ATRN: variants seen among roughly 807,000 people sequenced by gnomAD.
ATRN encodes the protein attractin, also known as attractin-2.
In ATRN, 54 loss-of-function variants were observed where a neutral mutation model predicts 178.7. That is an observed-to-expected ratio of 0.30 (90% confidence interval 0.24 to 0.38). The LOEUF (loss-of-function observed/expected upper bound fraction) is 0.38, where lower values mean the gene tolerates loss of function less well. ATRN is among the 10% of genes least tolerant of loss of function. The pLI is 1.00. For synonymous variants in ATRN, 636 were observed against 663.0 expected (o/e 0.96, Z 0.63); for missense variants, 1,443 against 1,815.1 (o/e 0.79, Z 3.73).
chr20:3,604,991 C>T (rs77675036), intron 24 of ATRN, among the ~76,000 whole-genome samples: 2,138 of 152,220 alleles, frequency 0.014, 27 homozygotes, highest in Middle Eastern at 0.041. Flanking sequence ...TGCTTCTTAC[C>T]TTCTTCATTT....
intron 3 of ATRN, among the ~76,000 whole-genome samples, chr20:3,540,865 G>C (rs551291498): frequency 6.6e-6 from 1 of 151,938 alleles, no homozygotes; most frequent in African/African-American, 2.4e-5. Context: ...GGAGAAATGA[G>C]GAACATACTT....
chr20:3,621,900 G>A (rs1324959122), intron 24 of ATRN, among the ~76,000 whole-genome samples: 1 of 152,058 alleles, frequency 6.6e-6, no homozygotes, highest in Non-Finnish European at 1.5e-5. Flanking sequence ...CTGTGAGACA[G>A]ATCATTATTT....
At chr20:3,497,721 T>TG (rs1044645063) in intron 1 of ATRN, among the ~76,000 whole-genome samples, 2 of 152,168 alleles carry the variant, frequency 1.3e-5, no homozygotes, top group African/African-American at 4.8e-5. Flanking sequence ...CTTGCTAGAT[T>TG]GGGGAAGTTC....
intron 1 of ATRN, among the ~76,000 whole-genome samples, chr20:3,488,081 T>C (rs1444233424): frequency 6.8e-6 from 1 of 147,428 alleles, no homozygotes; most frequent in African/African-American, 2.4e-5. Context: ...TGGAGTTGGC[T>C]AACATGTTCC....
intron 1 of ATRN, among the ~76,000 whole-genome samples, chr20:3,476,354 T>G (rs1042230558): frequency 2.0e-5 from 3 of 152,208 alleles, no homozygotes; most frequent in African/African-American, 7.2e-5. Context: ...TTCTTTTTAT[T>G]ATACCATTTG....
chr20:3,498,673 G>A (rs1049206395), intron 1 of ATRN, among the ~76,000 whole-genome samples: 8 of 152,164 alleles, frequency 5.3e-5, no homozygotes, highest in Non-Finnish European at 1.2e-4. Flanking sequence ...GGTATTGATG[G>A]GACGTATTTC....
At chr20:3,589,809 G>T (rs112200616) in intron 18 of ATRN, among the ~76,000 whole-genome samples, 17 of 152,334 alleles carry the variant, frequency 1.1e-4, no homozygotes, top group African/African-American at 4.1e-4. Context: ...CTCATTGGAA[G>T]AAGGAAGGAG....
chr20:3,524,018 A>G (rs1399233985), intron 1 of ATRN, among the ~76,000 whole-genome samples: 1 of 152,230 alleles, frequency 6.6e-6, no homozygotes, highest in East Asian at 1.9e-4. Flanking sequence ...CTAATGGGCA[A>G]AATAACCAGC....
At chr20:3,536,118 C>T (rs550415835) in intron 2 of ATRN, among the ~76,000 whole-genome samples, 1 of 152,238 alleles carries the variant, frequency 6.6e-6, no homozygotes, top group African/African-American at 2.4e-5. Flanking sequence ...TCATGGGAGA[C>T]TTTTAAAGCA....
Position 3,591,162 on chromosome 20 carries a change from C to T in ATRN, c.3185-7C>T, listed in dbSNP as rs778627563. On this transcript the variant is annotated splice_region_variant and splice_polypyrimidine_tract_variant and intron_variant, in intron 18 of 28. Transcript: ENST00000262919. ...GTACAGACCCCTTGAAACTCTTTTTCTTGCAGCTTGCCAATGCAACGGCCA... is the reference window on the plus strand; with the variant it reads ...GTACAGACCCCTTGAAACTCTTTTTTTTGCAGCTTGCCAATGCAACGGCCA... 1.2e-6 allele frequency: 2 copies of T among 1,612,816 alleles called. No homozygotes were observed. Among genetic ancestry groups the T allele is most frequent in the Non-Finnish European group, 8.5e-7 (1 of 1,179,392 alleles).
In ATRN at chr20:3,521,926, T is replaced by C. The variant is rs144697937; in HGVS notation, c.411-13327T>C. Among the ~76,000 whole-genome samples the C allele has an allele frequency of 1.4e-4, 22 of 152,062 alleles. No homozygotes were observed. The East Asian group carries it at 3.7e-3, about 25-fold the overall frequency. On this transcript the variant is annotated intron_variant, in intron 1 of 28. Transcript: ENST00000262919. ...CCTCCTGAGTAGCTGGGACTACAGGTACACTCTACCACATTCAGCTAATTT... is the reference window on the plus strand; with the variant it reads ...CCTCCTGAGTAGCTGGGACTACAGGCACACTCTACCACATTCAGCTAATTT...
At position 3,563,238 on chromosome 20, in the gene ATRN, G is replaced by A. The variant is rs780604843; in HGVS notation, c.1661G>A (p.Arg554His). 14 of 1,612,450 alleles carry A rather than the reference G, an allele frequency of 8.7e-6. No individual in the cohort carries two copies. The highest frequency in any genetic ancestry group is 2.7e-5 in the African/African-American group (2 of 74,838). The change falls in exon 10 of 29, where the codon CGT becomes CAT. Residue 554 changes from arginine to histidine, a missense_variant. Coordinates refer to ENST00000262919, the MANE Select transcript of ATRN (RefSeq NM_139321.3). The stretch of plus-strand genomic sequence containing the variant: ...ATTCTTAAGGACAGCCGATTTTTCC[G>A]TTACTTGCACACAGCTGTGATAGTG... ...WTILKDSRFF[R>H]YLHTAVIVSG...
chr20:3,530,667 T>A (rs184579268), intron 1 of ATRN, among the ~76,000 whole-genome samples: 1 of 152,200 alleles, frequency 6.6e-6, no homozygotes, highest in African/African-American at 2.4e-5. Flanking sequence ...ATAATCTTAA[T>A]CATATGTGTA....
In ATRN at chr20:3,540,290, T is replaced by C; in HGVS notation, c.563T>C (p.Val188Ala). ...GAGTGTAGTTGGGACCATTTATATGTTTATGATGGGGACTCAATTTATGCA... is the reference window on the plus strand; with the variant it reads ...GAGTGTAGTTGGGACCATTTATATGCTTATGATGGGGACTCAATTTATGCA... ...ATECSWDHLY[V>A]YDGDSIYAPL... The change falls in exon 3 of 29, where the codon GTT (valine) becomes GCT (alanine). Residue 188 changes from valine (V) to alanine (A), a missense_variant. Val to Ala is a moderately conservative substitution (Grantham distance 64). Coordinates refer to ENST00000262919, the MANE Select transcript of ATRN (RefSeq NM_139321.3). 1 of 1,611,446 alleles carries C rather than the reference T, an allele frequency of 6.2e-7. No individual in the cohort carries two copies. Among genetic ancestry groups the C allele is most frequent in the East Asian group, 2.2e-5 (1 of 44,790 alleles).
chr20:3,609,284 T>TA (rs931239862), intron 24 of ATRN, among the ~76,000 whole-genome samples: 14 of 152,190 alleles, frequency 9.2e-5, no homozygotes, highest in Non-Finnish European at 1.5e-4. Context: ...TTGGAAGTTT[T>TA]AAAAAAATCT....
chr20:3,613,842 G>A (rs964673847), intron 24 of ATRN, among the ~76,000 whole-genome samples: 1 of 134,640 alleles, frequency 7.4e-6, no homozygotes, highest in Non-Finnish European at 1.5e-5. Context: ...TAAAAATTGA[G>A]ATTCTCATTT....
intron 12 of ATRN, among the ~76,000 whole-genome samples, chr20:3,575,273 C>CT (rs1158739885): frequency 6.6e-6 from 1 of 152,194 alleles, no homozygotes; most frequent in Non-Finnish European, 1.5e-5. Flanking sequence ...TGCAGCTTCT[C>CT]TTTTCTAGAG....
intron 24 of ATRN, among the ~76,000 whole-genome samples, chr20:3,605,352 C>T (rs928592914): frequency 2.6e-5 from 4 of 152,144 alleles, no homozygotes; most frequent in Non-Finnish European, 5.9e-5. Flanking sequence ...TCTGGCAATT[C>T]CTCAAAGACC....
intron 1 of ATRN, among the ~76,000 whole-genome samples, chr20:3,492,580 A>G (rs1568685371): frequency 1.3e-5 from 2 of 152,092 alleles, no homozygotes; most frequent in East Asian, 1.9e-4. Flanking sequence ...ATGAAGGAAT[A>G]CACCTAAGGA....
Sources: allele counts gnomAD v4.1 joint callset (sites outside exome capture counted in the v4.1 genomes callset), GRCh38; gene constraint gnomAD v4.1.1; transcripts MANE v1.5; gene names NCBI Gene and HGNC (gene_info 2026-07-23, HGNC 2026-07-21).